Variants in FBXL7 observed in about 807,000 individuals in gnomAD.
The protein encoded by FBXL7 is F-box/LRR-repeat protein 7.
Under a neutral mutation model 38.3 loss-of-function variants are expected in FBXL7, and 12 were observed. The observed-to-expected ratio is 0.31, with a 90% CI of 0.20 to 0.51. The LOEUF (loss-of-function observed/expected upper bound fraction) is 0.51. Ranked by LOEUF, FBXL7 falls within the 20% of genes least tolerant of loss-of-function variation. The pLI, the probability that FBXL7 is intolerant of heterozygous loss-of-function variation, is 0.98. For synonymous variants in FBXL7, 297 were observed against 300.9 expected (o/e 0.99, Z 0.13); for missense variants, 567 against 676.4 (o/e 0.84, Z 1.79).
intron 2 of FBXL7, among the ~76,000 whole-genome samples, chr5:15,906,352 T>A (rs1741361763): frequency 6.6e-6 from 1 of 151,920 alleles, no homozygotes; most frequent in Non-Finnish European, 1.5e-5. Context: ...TCAGAAATTA[T>A]AGGCTGTTGA....
intron 2 of FBXL7, among the ~76,000 whole-genome samples, chr5:15,700,863 C>T (rs1360093721): frequency 6.6e-6 from 1 of 152,014 alleles, no homozygotes; most frequent in Non-Finnish European, 1.5e-5. Flanking sequence ...ATATGCTCTG[C>T]AGTATATTTG....
chr5:15,906,474 C>T (rs1312349157), intron 2 of FBXL7, among the ~76,000 whole-genome samples: 1 of 144,148 alleles, frequency 6.9e-6, no homozygotes, highest in Non-Finnish European at 1.5e-5. Flanking sequence ...TGTATTTTAC[C>T]ATAATTATTA....
intron 2 of FBXL7, among the ~76,000 whole-genome samples, chr5:15,778,923 A>G (rs1357752571): frequency 6.6e-6 from 1 of 152,168 alleles, no homozygotes; most frequent in Admixed American, 6.5e-5. Context: ...AAGATAAAAA[A>G]CGTGGTTTCT....
intron 1 of FBXL7, among the ~76,000 whole-genome samples, chr5:15,597,495 T>TA (rs35742221): frequency 0.063 from 7,227 of 114,794 alleles, 203 homozygotes; most frequent in South Asian, 0.086. Context: ...TATCATTTTG[T>TA]AAAAAAAAAA....
chr5:15,592,858 C>T (rs1011107470), intron 1 of FBXL7, among the ~76,000 whole-genome samples: 1 of 152,010 alleles, frequency 6.6e-6, no homozygotes. Context: ...ATTTTAGCCT[C>T]GAGCTAAAAT....
intron 2 of FBXL7, among the ~76,000 whole-genome samples, chr5:15,865,657 T>G (rs926803857): frequency 6.6e-6 from 1 of 152,024 alleles, no homozygotes; most frequent in South Asian, 2.1e-4. Context: ...TCTCTCTCTC[T>G]CCCCACCCCC....
intron 1 of FBXL7, among the ~76,000 whole-genome samples, chr5:15,560,353 G>A (rs1738375872): frequency 6.6e-6 from 1 of 152,172 alleles, no homozygotes; most frequent in South Asian, 2.1e-4. Flanking sequence ...ACAGTAGCCA[G>A]TGAGCCATAA....
At chr5:15,925,481 C>G (rs565899023) in intron 2 of FBXL7, among the ~76,000 whole-genome samples, 2 of 152,004 alleles carry the variant, frequency 1.3e-5, no homozygotes, top group Admixed American at 1.3e-4. Flanking sequence ...AAAATTGCAG[C>G]GATAGAAAAA....
rs769802991 is a variant in FBXL7, at chr5:15,937,112, G to T, written c.1402G>T (p.Val468Leu). Residue 468 changes from valine to leucine, a missense_variant, in exon 4 of 4, where the codon GTG (valine) becomes TTG (leucine). By Grantham distance (32) the Val-to-Leu change is conservative. Transcript: ENST00000504595. Reference sequence around the variant, plus strand: ...GAATGTCCAGGACTGCGAGGTCTCCGTGGAGGCCCTGCGCTTTGTCAAACG... The same window carrying T: ...GAATGTCCAGGACTGCGAGGTCTCCTTGGAGGCCCTGCGCTTTGTCAAACG... Reference protein sequence around the residue: ...TLNVQDCEVSVEALRFVKRHC... With the variant: ...TLNVQDCEVSLEALRFVKRHC... 1.9e-6 allele frequency: 3 copies of T among 1,613,582 alleles called. No individual in the cohort carries two copies. Among genetic ancestry groups the T allele is most frequent in the Non-Finnish European group, 1.7e-6 (2 of 1,179,722 alleles).
At chr5:15,870,152 T>C (rs1464949651) in intron 2 of FBXL7, among the ~76,000 whole-genome samples, 1 of 151,392 alleles carries the variant, frequency 6.6e-6, no homozygotes, top group Non-Finnish European at 1.5e-5. Flanking sequence ...CAAGGTATGG[T>C]GAGGGGGGAA....
chr5:15,571,635 T>TATGA (rs1738785415), intron 1 of FBXL7, among the ~76,000 whole-genome samples: 2 of 152,124 alleles, frequency 1.3e-5, no homozygotes, highest in Non-Finnish European at 2.9e-5. Flanking sequence ...AGCCTGGCAT[T>TATGA]GTTAAGCAGA....
intron 2 of FBXL7, among the ~76,000 whole-genome samples, chr5:15,927,109 C>G (rs564626806): frequency 6.6e-6 from 1 of 152,104 alleles, no homozygotes; most frequent in Admixed American, 6.6e-5. Context: ...AAACTATGAC[C>G]TGATGGGATT....
chr5:15,917,619 A>C (rs1249851803), intron 2 of FBXL7, among the ~76,000 whole-genome samples: 1 of 148,946 alleles, frequency 6.7e-6, no homozygotes, highest in East Asian at 2.0e-4. Flanking sequence ...AAAATAAAGT[A>C]AATGAAAGAA....
intron 2 of FBXL7, among the ~76,000 whole-genome samples, chr5:15,758,518 G>T (rs1018222771): frequency 8.6e-5 from 13 of 151,978 alleles, no homozygotes; most frequent in Admixed American, 3.3e-4. Flanking sequence ...TTTCTAAAGT[G>T]CCAAATATAC....
intron 1 of FBXL7, among the ~76,000 whole-genome samples, chr5:15,553,510 G>A (rs1738145580): frequency 6.6e-6 from 1 of 152,172 alleles, no homozygotes; most frequent in South Asian, 2.1e-4. Context: ...GCTCCATGAA[G>A]GTAGGGATAC....
chr5:15,651,897 G>T (rs1741720335), intron 2 of FBXL7, among the ~76,000 whole-genome samples: 1 of 152,208 alleles, frequency 6.6e-6, no homozygotes, highest in Non-Finnish European at 1.5e-5. Context: ...AAAATCTGTA[G>T]TTTAATATAG....
At chr5:15,651,591 A>G (rs1003101052) in intron 2 of FBXL7, among the ~76,000 whole-genome samples, 1 of 152,230 alleles carries the variant, frequency 6.6e-6, no homozygotes, top group Non-Finnish European at 1.5e-5. Flanking sequence ...GTAGGTCTCA[A>G]CAATGGGGTT....
At chr5:15,688,665 A>G (rs1470109869) in intron 2 of FBXL7, among the ~76,000 whole-genome samples, 1 of 152,154 alleles carries the variant, frequency 6.6e-6, no homozygotes, top group African/African-American at 2.4e-5. Context: ...GCACTTGCCT[A>G]TAAATGCCCC....
rs1256940003 is a variant in FBXL7, at chr5:15,936,482, C to A, written c.772C>A (p.Arg258=). The A allele has an allele frequency of 4.3e-6, 7 of 1,613,290 alleles. No individual in the cohort carries two copies. Among genetic ancestry groups the A allele is most frequent in the Admixed American group, 1.7e-5 (1 of 60,030 alleles). Reference sequence around the variant, plus strand: ...CAAAGTGACCTGCATCAGCTTGACCCGGGAGGCCTCCATTAAACTGTCACC... The same window carrying A: ...CAAAGTGACCTGCATCAGCTTGACCAGGGAGGCCTCCATTAAACTGTCACC... ...CSKVTCISLT[R]EASIKLSPLH... The change falls in exon 4 of 4, where the codon CGG becomes AGG. Residue 258 remains arginine (R), a synonymous_variant. Coordinates refer to ENST00000504595, the MANE Select transcript of FBXL7 (RefSeq NM_012304.5). This position sits in a 1 kb window ranked among gnomAD's most constrained non-coding sequence, Gnocchi z 6.0.
Sources: allele counts gnomAD v4.1 joint callset (sites outside exome capture counted in the v4.1 genomes callset), GRCh38; gene constraint gnomAD v4.1.1; non-coding constraint Gnocchi (gnomAD v3.1); transcripts MANE v1.5; gene names NCBI Gene and HGNC (gene_info 2026-07-23, HGNC 2026-07-21).